The following MROH6 variants were observed in gnomAD, a reference collection of about 807,000 sequenced individuals.
MROH6 encodes maestro heat like repeat family member 6.
Under a neutral mutation model 67.7 loss-of-function variants are expected in MROH6, and 62 were observed. The ratio of observed to expected loss-of-function variants is 0.92; its 90% CI spans 0.75 to 1.13. The LOEUF is 1.13. Ranked by LOEUF, MROH6 falls within the 50% of genes most tolerant of loss-of-function variation. The pLI is 0.00. For missense variants in MROH6, 1,175 were observed against 1,029.1 expected, an observed-to-expected ratio of 1.14 and a Z score of -1.94; for synonymous variants, 566 against 470.8, an observed-to-expected ratio of 1.20 and a Z score of -2.62.
Position 143,570,528 on chromosome 8 carries a change from C to T in MROH6, c.850G>A (p.Asp284Asn), listed in dbSNP as rs760581665. Residue 284 changes from aspartate to asparagine, a missense_variant, in exon 5 of 14, where the codon GAC becomes AAC. Transcript: ENST00000398882. ...GACAGAACCCAAATCTTGGGCATGT[C>T]GGGGGAGCACGGGCTGCGGGCCAGC... ...HKLARSPCSPDMPKIWVLSHR... is the reference protein window; with the variant it reads ...HKLARSPCSPNMPKIWVLSHR... The T allele has an allele frequency of 5.6e-6, 9 of 1,611,998 alleles. No individual in the cohort carries two copies. The East Asian group carries it at 6.7e-5, about 12-fold the overall frequency.
In MROH6 at chr8:143,570,369, T is replaced by C. The variant is rs1587019260; in HGVS notation, c.917A>G (p.Glu306Gly). Residue 306 changes from glutamate (E) to glycine (G), a missense_variant, in exon 6 of 14, where the codon GAG (glutamate) becomes GGG (glycine). Physicochemically the swap from Glu to Gly is moderately conservative, Grantham distance 98. Coordinates refer to ENST00000398882, the MANE Select transcript of MROH6 (RefSeq NM_001100878.2). ...PPHSHASCAV[E>G]ALKALLTGDG... ...CCCGGTGAGCAGCGCCTTCAAGGCC[T>C]CCACAGCACAGCTGGTGGTGGGGAC... is the stretch of plus-strand genomic sequence containing the variant. The C allele has an allele frequency of 6.2e-7, 1 of 1,611,028 alleles. No homozygotes were observed. The highest frequency in any genetic ancestry group is 1.1e-5 in the South Asian group (1 of 91,028).
chr8:143,568,749 G>A (rs1172356387), intron 9 of MROH6, 30 bp from the exon 10 acceptor site: 4 of 1,440,234 alleles, frequency 2.8e-6, no homozygotes, highest in Non-Finnish European at 3.7e-6. Flanking sequence ...CAGGGCAGGC[G>A]GAGACAGAGA....
chr8:143,568,654 G>A lies in MROH6; in HGVS notation c.1542C>T (p.Gly514=), dbSNP rs1449305708. The stretch of plus-strand genomic sequence containing the variant: ...GGCCGCGGAGCCCCAGCCGGAGCCC[G>A]CCCCGGCCCCGGCGCACCAGAGTCC... ...LLGTLVRRGR[G]GLRLGLRGPL... Residue 514 remains glycine, a synonymous_variant, in exon 10 of 14, where the codon GGC becomes GGT. Transcript: ENST00000398882. 13 of 1,531,598 alleles carry A rather than the reference G, an allele frequency of 8.5e-6. No homozygotes were observed. The highest frequency in any genetic ancestry group is 1.1e-5 in the Non-Finnish European group (13 of 1,144,108). 94.9% of individuals were successfully genotyped at this position (1,531,598 alleles called of 1,614,324 possible).
Position 143,568,175 on chromosome 8 carries a change from G to C in MROH6, c.1731C>G (p.Ser577Arg). 6.2e-7 allele frequency: 1 copy of C among 1,610,338 alleles called. No individual in the cohort carries two copies. The highest frequency in any genetic ancestry group is 8.5e-7 in the Non-Finnish European group (1 of 1,178,934). Residue 577 changes from serine to arginine, a missense_variant, in exon 11 of 14, where the codon AGC becomes AGG. Ser to Arg is a moderately radical substitution (Grantham distance 110). Transcript: ENST00000398882. ...AGCAGAGGTGGCTCAGGGCCTCGGG[G>C]CTGTCATAGTGGGCCACGGTGACCA... ...EELVTVAHYDSPEALSHLCCR... is the reference protein window; with the variant it reads ...EELVTVAHYDRPEALSHLCCR...
Position 143,567,696 on chromosome 8 carries a change from T to G in MROH6, c.1868-20A>C, listed in dbSNP as rs773678668. On this transcript the variant is annotated intron_variant, in intron 12 of 13. Transcript: ENST00000398882. ...GGAAGCCTGGACCACAGCAGATGCA[T>G]GAGTGCAGGCCCCACAGCCCCCCAG... 1 of 1,578,796 alleles carries G rather than the reference T, an allele frequency of 6.3e-7. No individual in the cohort carries two copies. Among genetic ancestry groups the G allele is most frequent in the Non-Finnish European group, 8.6e-7 (1 of 1,163,076 alleles).
At position 143,572,692 on chromosome 8, in the gene MROH6, C is replaced by A; in HGVS notation, c.23G>T (p.Arg8Leu). 1 of 1,508,162 alleles carries A rather than the reference C, an allele frequency of 6.6e-7. No individual in the cohort carries two copies. Among genetic ancestry groups the A allele is most frequent in the Non-Finnish European group, 8.8e-7 (1 of 1,131,740 alleles). The allele number at this position is 1,508,162 out of a possible 1,614,324, so 93.4% of individuals were successfully genotyped here. Reference protein sequence around the residue: MAGGVWGRSRAREAPVGA... With the variant: MAGGVWGLSRAREAPVGA... ...CACGGGAGCCTCCCGGGCCCGGCTC[C>A]GGCCCCACACACCCCCAGCCATGGC... Residue 8 changes from arginine (R) to leucine (L), a missense_variant, in exon 1 of 14, where the codon CGG becomes CTG. By Grantham distance (102) the Arg-to-Leu change is moderately radical. Transcript: ENST00000398882.
chr8:143,568,791 G>A, intron 9 of MROH6, 72 bp from the exon 10 acceptor site: 1 of 1,212,190 alleles, frequency 8.2e-7, no homozygotes, highest in South Asian at 1.6e-5. Context: ...GGCGGCCAGC[G>A]CGGAGCGAGG....
chr8:143,568,268 T>C lies in MROH6; in HGVS notation c.1645-7A>G. On this transcript the variant is annotated splice_region_variant and splice_polypyrimidine_tract_variant and intron_variant, in intron 10 of 13. Coordinates refer to ENST00000398882, the MANE Select transcript of MROH6 (RefSeq NM_001100878.2). ...CCAGGGTCCACTCTGAGCTCTGGGA[T>C]AGGGGAAGTGAGCCGGGTCAGGGGT... 1 of 1,604,664 alleles carries C rather than the reference T, an allele frequency of 6.2e-7. No individual in the cohort carries two copies. The highest frequency in any genetic ancestry group is 8.5e-7 in the Non-Finnish European group (1 of 1,176,106).
chr8:143,568,748 C>A (rs1467572735), intron 9 of MROH6, 29 bp from the exon 10 acceptor site: 2 of 1,392,896 alleles, frequency 1.4e-6, no homozygotes, highest in Non-Finnish European at 1.9e-6. Flanking sequence ...TCAGGGCAGG[C>A]GGAGACAGAG....
chr8:143,569,326 G>T, intron 9 of MROH6, 115 bp downstream of exon 9: 1 of 797,298 alleles, frequency 1.3e-6, no homozygotes, highest in Non-Finnish European at 1.8e-6. Flanking sequence ...GGCGGGGCCT[G>T]AGAGGGCGGG....
chr8:143,570,158 T>C, intron 6 of MROH6, 85 bp downstream of exon 6: 1 of 1,563,598 alleles, frequency 6.4e-7, no homozygotes. Flanking sequence ...GCCCCTGCCT[T>C]TTCCCTGTCC....
chr8:143,571,012 G>A lies in MROH6; in HGVS notation c.603-18C>T, dbSNP rs1563920760. Reference sequence around the variant, plus strand: ...CTGCTACCCTGAGGGTTTGGAGGGGGCTGGTGTGAGACAAGAGATGGGTGG... The same window carrying A: ...CTGCTACCCTGAGGGTTTGGAGGGGACTGGTGTGAGACAAGAGATGGGTGG... On this transcript the variant is annotated intron_variant, in intron 3 of 13. Transcript: ENST00000398882. 3 of 1,545,760 alleles carry A rather than the reference G, an allele frequency of 1.9e-6. No individual in the cohort carries two copies. The highest frequency in any genetic ancestry group is 1.7e-6 in the Non-Finnish European group (2 of 1,144,358).
At position 143,570,942 on chromosome 8, in the gene MROH6, G is replaced by A. The variant is rs993852733; in HGVS notation, c.655C>T (p.Gln219Ter). Reference sequence around the variant, plus strand: ...GCCCACAGCAGTTGCACCAGCACCTGCCCATTTACACGCTGGTTACGGCTT... The same window carrying A: ...GCCCACAGCAGTTGCACCAGCACCTACCCATTTACACGCTGGTTACGGCTT... Reference protein sequence around the residue: ...SLSRNQRVNGQVLVQLLWALK... With the variant: ...SLSRNQRVNG The change falls in exon 4 of 14, where the codon CAG becomes TAG. Residue 219 changes from glutamine (Q) to a stop codon, truncating the protein, a stop_gained. Transcript: ENST00000398882. LOFTEE classifies it high-confidence loss of function. 2.3e-5 allele frequency: 36 copies of A among 1,548,154 alleles called. No homozygotes were observed. The highest frequency in any genetic ancestry group is 2.2e-4 in the Middle Eastern group (1 of 4,648).
chr8:143,569,477 C>T lies in MROH6; in HGVS notation c.1440G>A (p.Ala480=), dbSNP rs1412026818. 3.4e-6 allele frequency: 5 copies of T among 1,474,120 alleles called. No homozygotes were observed. The highest frequency in any genetic ancestry group is 1.5e-5 in the African/African-American group (1 of 67,660). 91.3% of individuals were successfully genotyped at this position (1,474,120 alleles called of 1,614,324 possible). A position where few individuals can be genotyped will look rare whatever the true frequency, so the allele number is the denominator to read the frequency against. ...RPRAPVRLLS[A]ELGPRLPPLL... ...GCGGAGGGAGGCGCGGTCCCAGCTC[C>T]GCGCTCAGGAGCCGCACAGGCGCCC... The change falls in exon 9 of 14, where the codon GCG becomes GCA. Residue 480 remains alanine, a synonymous_variant. Transcript: ENST00000398882.
At chr8:143,568,319 G>T in intron 10 of MROH6, 58 bp from the exon 11 acceptor site, 1 of 1,551,812 alleles carries the variant, frequency 6.4e-7, no homozygotes, top group Non-Finnish European at 8.7e-7. Flanking sequence ...GCAAAAGGTG[G>T]GGTGGGAAGA....
chr8:143,569,590 G>A lies in MROH6; in HGVS notation c.1327C>T (p.Pro443Ser). The change falls in exon 9 of 14, where the codon CCG becomes TCG. Residue 443 changes from proline (P) to serine (S), a missense_variant. Coordinates refer to ENST00000398882, the MANE Select transcript of MROH6 (RefSeq NM_001100878.2). Reference sequence around the variant, plus strand: ...TCGCCCAGTGCGCCCAGGAGCGCCGGCAGCAGCGTGCTCACGTGCCGCACC... The same window carrying A: ...TCGCCCAGTGCGCCCAGGAGCGCCGACAGCAGCGTGCTCACGTGCCGCACC... ...RKVRHVSTLLPALLGALGEGD... is the reference protein window; with the variant it reads ...RKVRHVSTLLSALLGALGEGD... 1 of 1,570,136 alleles carries A rather than the reference G, an allele frequency of 6.4e-7. No homozygotes were observed. Among genetic ancestry groups the A allele is most frequent in the Non-Finnish European group, 8.6e-7 (1 of 1,161,654 alleles).
At chr8:143,572,250 C>T (rs1251935065) in intron 1 of MROH6, 65 bp from the exon 2 acceptor site, 33 of 1,580,810 alleles carry the variant, frequency 2.1e-5, no homozygotes, top group South Asian at 3.4e-5. Flanking sequence ...CCTGGTCCCT[C>T]GGCCTCCCAC....
rs1587005208 is a variant in MROH6, at chr8:143,567,247, G to A, written c.2152C>T (p.Arg718Ter). Residue 718 changes from arginine (R) to a stop codon, truncating the protein, a stop_gained, in exon 14 of 14, where the codon CGA becomes TGA. Transcript: ENST00000398882. LOFTEE classifies it high-confidence loss of function. ...GGCCCCAGCCCCGAGCCTCAGGCTC[G>A]GCGGGGTCCGGAGCAGCCCCAGCGG... ...AGRWGCSGPR[R>*]A The A allele has an allele frequency of 5.7e-6, 7 of 1,221,320 alleles. No homozygotes were observed. The highest frequency in any genetic ancestry group is 4.1e-5 in the South Asian group (1 of 24,282). 75.7% of individuals were successfully genotyped at this position (1,221,320 alleles called of 1,614,324 possible).
chr8:143,570,418 C>T (rs1823946820), intron 5 of MROH6, 38 bp from the exon 6 acceptor site: 3 of 1,268,864 alleles, frequency 2.4e-6, no homozygotes, highest in South Asian at 1.6e-5. Context: ...GCAGTGGGAG[C>T]TGAGAGGGTG....
Sources: allele counts gnomAD v4.1 joint callset, GRCh38; gene constraint gnomAD v4.1.1; transcripts MANE v1.5; gene names NCBI Gene and HGNC (gene_info 2026-07-23, HGNC 2026-07-21).